AATF: variants seen among roughly 807,000 people sequenced by gnomAD.
AATF encodes protein AATF.
In AATF, 48 loss-of-function variants were observed where a neutral mutation model predicts 63.7. The observed-to-expected ratio is 0.75, with a 90% CI of 0.60 to 0.96. AATF has a LOEUF of 0.96. AATF is among the 40% of genes least tolerant of loss of function. AATF has a pLI of 0.00. For synonymous variants in AATF, 258 were observed against 247.7 expected (o/e 1.04, Z -0.39); for missense variants, 639 against 685.7 (o/e 0.93, Z 0.76).
chr17:36,987,225 G>A (rs7221052), intron 5 of AATF, among the ~76,000 whole-genome samples: 35,512 of 148,594 alleles, frequency 0.24, 4,728 homozygotes, highest in Middle Eastern at 0.33. Context: ...TCCTGGGCTC[G>A]AGCCATCCTT....
At chr17:36,999,317 T>C (rs779426599) in intron 8 of AATF, 5 of 152,230 alleles carry the variant, frequency 3.3e-5, no homozygotes, top group African/African-American at 1.2e-4. Context: ...TTTGAGTATC[T>C]ACTGTGTATT....
chr17:37,021,102 CTTCTGATGA>C lies in AATF; in HGVS notation c.1547+94_1547+102del, dbSNP rs1365016516. 7 of 946,694 alleles carry C rather than the reference CTTCTGATGA, an allele frequency of 7.4e-6. No homozygotes were observed. In the South Asian group the frequency reaches 1.4e-4, roughly 19 times the overall value. The allele number at this position is 946,694 out of a possible 1,614,324, so 58.6% of individuals were successfully genotyped here. A position where few individuals can be genotyped will look rare whatever the true frequency, so the allele number is the denominator to read the frequency against. On this transcript the variant is annotated intron_variant, in intron 10 of 11. Transcript: ENST00000619387. Reference sequence around the variant, plus strand: ...TGGCTGTTATGTCATTTTTCTTTTTCTTCTGATGATTCTGTTTTTAAGGATCAGAAAAAT... The same window carrying C: ...TGGCTGTTATGTCATTTTTCTTTTTCTTCTGTTTTTAAGGATCAGAAAAAT...
intron 5 of AATF, 97 bp downstream of exon 5, chr17:36,986,828 T>C (rs947860927): frequency 2.4e-5 from 24 of 989,302 alleles, no homozygotes; most frequent in Non-Finnish European, 3.7e-5. Context: ...CAGGCAGATA[T>C]TAATGTTAGT....
intron 4 of AATF, among the ~76,000 whole-genome samples, chr17:36,957,989 C>G (rs149432713): frequency 1.3e-5 from 2 of 152,204 alleles, no homozygotes; most frequent in African/African-American, 4.8e-5. Context: ...CCCCAGTCAC[C>G]TTGGTGTTAC....
At chr17:37,050,619 T>C (rs2071739988) in intron 11 of AATF, among the ~76,000 whole-genome samples, 1 of 152,254 alleles carries the variant, frequency 6.6e-6, no homozygotes, top group Non-Finnish European at 1.5e-5. Context: ...GGGCAGACTC[T>C]ACTTGTAGGG....
At chr17:37,043,517 C>T (rs190478505) in intron 11 of AATF, among the ~76,000 whole-genome samples, 1 of 152,318 alleles carries the variant, frequency 6.6e-6, no homozygotes, top group African/African-American at 2.4e-5. Flanking sequence ...TAACAGTTCA[C>T]AGACACACTT....
intron 8 of AATF, among the ~76,000 whole-genome samples, chr17:37,012,060 A>AT (rs746656685): frequency 0.018 from 2,561 of 145,272 alleles, 84 homozygotes; most frequent in African/African-American, 0.058. Flanking sequence ...TTTGGGGATA[A>AT]TTTTTTTTTT....
At chr17:36,965,228 G>A (rs150753949) in intron 4 of AATF, among the ~76,000 whole-genome samples, 7 of 152,286 alleles carry the variant, frequency 4.6e-5, no homozygotes, top group African/African-American at 1.7e-4. Context: ...CTAAAATCAA[G>A]GTGTCAGCAG....
chr17:37,053,854 G>A (rs2071775215), intron 11 of AATF, among the ~76,000 whole-genome samples: 1 of 152,068 alleles, frequency 6.6e-6, no homozygotes, highest in Non-Finnish European at 1.5e-5. Flanking sequence ...GACAGAGCGA[G>A]ACTCCATCTC....
intron 4 of AATF, among the ~76,000 whole-genome samples, chr17:36,960,954 A>G (rs1285836957): frequency 6.6e-6 from 1 of 152,218 alleles, no homozygotes; most frequent in Non-Finnish European, 1.5e-5. Flanking sequence ...AAAGAAGAAA[A>G]TAAGGATTAG....
chr17:37,002,568 A>G (rs1200984386), intron 8 of AATF, among the ~76,000 whole-genome samples: 1 of 151,656 alleles, frequency 6.6e-6, no homozygotes, highest in Non-Finnish European at 1.5e-5. Context: ...GCTACTTGGG[A>G]GGCTGAGGCA....
chr17:37,048,190 G>C (rs766929132), intron 11 of AATF, among the ~76,000 whole-genome samples: 22 of 152,078 alleles, frequency 1.4e-4, no homozygotes, highest in Admixed American at 1.3e-3. Flanking sequence ...TAAGAGGAGA[G>C]TGAGGGAGAG....
At chr17:36,982,534 T>C (rs909878139) in intron 4 of AATF, among the ~76,000 whole-genome samples, 5 of 152,058 alleles carry the variant, frequency 3.3e-5, no homozygotes, top group African/African-American at 9.7e-5. Flanking sequence ...TTTGTATTTT[T>C]AGTAGAGATG....
intron 10 of AATF, among the ~76,000 whole-genome samples, chr17:37,021,880 G>T (rs1051507978): frequency 2.6e-5 from 4 of 151,058 alleles, no homozygotes; most frequent in Non-Finnish European, 4.4e-5. Flanking sequence ...CCATTTTTAT[G>T]ATGCCATATG....
At chr17:37,026,885 A>T (rs1399505786) in intron 10 of AATF, among the ~76,000 whole-genome samples, 4 of 152,186 alleles carry the variant, frequency 2.6e-5, no homozygotes, top group African/African-American at 9.7e-5. Context: ...AGAATATTAT[A>T]AACAACTTTC....
intron 11 of AATF, among the ~76,000 whole-genome samples, chr17:37,032,885 T>A (rs1177498223): frequency 2.0e-5 from 3 of 152,348 alleles, no homozygotes; most frequent in Non-Finnish European, 4.4e-5. Context: ...ATTGTCATCA[T>A]TGTAAATAAT....
intron 4 of AATF, among the ~76,000 whole-genome samples, chr17:36,954,467 A>G (rs1273881163): frequency 6.6e-6 from 1 of 152,222 alleles, no homozygotes; most frequent in Non-Finnish European, 1.5e-5. Flanking sequence ...AATTCAGCTC[A>G]TTAAACTTGG....
In AATF at chr17:36,985,056, C is replaced by T. The variant is rs190723851; in HGVS notation, c.833-1561C>T. Among the ~76,000 whole-genome samples the T allele has an allele frequency of 1.3e-4, 20 of 152,132 alleles. 1 individual carries two copies. In the East Asian group the frequency reaches 2.9e-3, roughly 22 times the overall value. The stretch of plus-strand genomic sequence containing the variant: ...AGCTGGGATTACAGGTGCACACCAC[C>T]GTGCGCGGCTAATTTTTATACTTTT... On this transcript the variant is annotated intron_variant, in intron 4 of 11. Transcript: ENST00000619387.
intron 4 of AATF, among the ~76,000 whole-genome samples, chr17:36,965,403 A>G (rs538269391): frequency 6.6e-6 from 1 of 152,236 alleles, no homozygotes; most frequent in East Asian, 1.9e-4. Flanking sequence ...CCTTCCTCTT[A>G]TAAGGACCCT....
Sources: allele counts gnomAD v4.1 joint callset (sites outside exome capture counted in the v4.1 genomes callset), GRCh38; gene constraint gnomAD v4.1.1; transcripts MANE v1.5; gene names NCBI Gene and HGNC (gene_info 2026-07-23, HGNC 2026-07-21).